Variants in COL23A1 observed in about 807,000 individuals in gnomAD.
COL23A1 encodes collagen type XXIII alpha 1 chain.
In COL23A1, 97 loss-of-function variants were observed where a neutral mutation model predicts 99.3. The observed-to-expected ratio is 0.98, with a 90% CI of 0.83 to 1.16. The LOEUF (loss-of-function observed/expected upper bound fraction) is 1.16. COL23A1 is among the 50% of genes most tolerant of loss of function. The pLI is 0.00. For synonymous variants in COL23A1, 320 were observed against 308.2 expected, an observed-to-expected ratio of 1.04 and a Z score of -0.40; for missense variants, 762 against 757.4, an observed-to-expected ratio of 1.01 and a Z score of -0.07.
At chr5:178,368,195 A>G (rs978096233) in intron 2 of COL23A1, among the ~76,000 whole-genome samples, 2 of 152,144 alleles carry the variant, frequency 1.3e-5, no homozygotes, top group Non-Finnish European at 2.9e-5. Context: ...GCAACATGGG[A>G]AATAAATTCC....
At chr5:178,578,665 C>T (rs1763514165) in intron 1 of COL23A1, among the ~76,000 whole-genome samples, 1 of 150,402 alleles carries the variant, frequency 6.6e-6, no homozygotes, top group Admixed American at 6.6e-5. Context: ...TTCCCCCACC[C>T]ACCCCTGCCC....
intron 2 of COL23A1, chr5:178,345,348 T>C (rs1561881408): frequency 5.8e-6 from 3 of 513,504 alleles, no homozygotes; most frequent in Non-Finnish European, 7.2e-6. Flanking sequence ...ATCATTTTTT[T>C]CCCTGAGCAA....
chr5:178,558,221 T>C (rs1426366688), intron 2 of COL23A1, among the ~76,000 whole-genome samples: 2 of 151,740 alleles, frequency 1.3e-5, no homozygotes, highest in Non-Finnish European at 2.9e-5. Context: ...AGGACACAGG[T>C]CCATCTGTAG....
chr5:178,420,416 C>A (rs1455754106), intron 2 of COL23A1, among the ~76,000 whole-genome samples: 1 of 48,940 alleles, frequency 2.0e-5, no homozygotes, highest in Non-Finnish European at 3.2e-5. Flanking sequence ...GAGATGTGAC[C>A]TCCCTTCTCC....
Position 178,468,220 on chromosome 5 carries a change from G to T in COL23A1, c.361+92462C>A, listed in dbSNP as rs1756531028. Among the ~76,000 whole-genome samples the T allele has an allele frequency of 7.0e-6, 1 of 143,246 alleles. No individual in the cohort carries two copies. The highest frequency in any genetic ancestry group is 2.6e-5 in the African/African-American group (1 of 38,912). 94.0% of individuals were successfully genotyped at this position (143,246 alleles called of 152,430 possible). On this transcript the variant is annotated intron_variant, in intron 2 of 28. Coordinates refer to ENST00000390654, the MANE Select transcript of COL23A1 (RefSeq NM_173465.4). The surrounding 1 kb of genome is among the most constrained non-coding windows in gnomAD (Gnocchi z 4.2). ...CCAGACCCCACCCAGACCCCACCCA[G>T]ACTCCAGCCAGAAGCCACGGCAAGC...
intron 2 of COL23A1, among the ~76,000 whole-genome samples, chr5:178,380,278 A>T (rs865879245): frequency 6.6e-6 from 1 of 152,212 alleles, no homozygotes; most frequent in African/African-American, 2.4e-5. Flanking sequence ...TCTGGGTCAC[A>T]GGTGACCTAG....
intron 2 of COL23A1, among the ~76,000 whole-genome samples, chr5:178,433,815 C>T (rs1388982951): frequency 1.3e-5 from 2 of 152,170 alleles, no homozygotes; most frequent in African/African-American, 4.8e-5. Flanking sequence ...CCCCCAGTAC[C>T]TTAGGAGATT....
intron 5 of COL23A1, among the ~76,000 whole-genome samples, chr5:178,279,846 A>T (rs180797848): frequency 6.6e-6 from 1 of 151,628 alleles, no homozygotes; most frequent in Non-Finnish European, 1.5e-5. Flanking sequence ...GGTGCCCCTG[A>T]CCCCCACCAG....
chr5:178,365,238 C>T lies in COL23A1; in HGVS notation c.362-58319G>A, dbSNP rs538913294. ...CATTAGATATGGGGTCCAGCCCCAG[C>T]GCACAGGAAACCCTGCTCAGGCAGA... On this transcript the variant is annotated intron_variant, in intron 2 of 28. Coordinates refer to ENST00000390654, the MANE Select transcript of COL23A1 (RefSeq NM_173465.4). The surrounding 1 kb of genome is among the most constrained non-coding windows in gnomAD (Gnocchi z 5.2). 2.6e-4 allele frequency among the ~76,000 whole-genome samples: 40 copies of T among 151,912 alleles called. No individual in the cohort carries two copies. The highest frequency in any genetic ancestry group is 4.9e-4 in the Non-Finnish European group (33 of 68,004).
At chr5:178,402,339 C>G (rs1240263542) in intron 2 of COL23A1, among the ~76,000 whole-genome samples, 8 of 152,006 alleles carry the variant, frequency 5.3e-5, no homozygotes, top group Non-Finnish European at 5.9e-5. Context: ...AACAGAGACA[C>G]AGAAAAACAT....
intron 2 of COL23A1, among the ~76,000 whole-genome samples, chr5:178,453,028 G>T (rs1767574235): frequency 6.6e-6 from 1 of 152,212 alleles, no homozygotes; most frequent in African/African-American, 2.4e-5. Flanking sequence ...CAGAGGTCTG[G>T]TTAAAGAAAC....
chr5:178,270,262 G>T, intron 6 of COL23A1, 75 bp downstream of exon 6: 1 of 1,563,672 alleles, frequency 6.4e-7, no homozygotes, highest in Non-Finnish European at 8.8e-7. Flanking sequence ...TCCCTCCAGT[G>T]CCTGCTGGTC....
chr5:178,556,878 G>T (rs958816349), intron 2 of COL23A1, among the ~76,000 whole-genome samples: 4 of 151,872 alleles, frequency 2.6e-5, no homozygotes, highest in Non-Finnish European at 5.9e-5. Flanking sequence ...GCTTGAATAC[G>T]GGAGGCAGAG....
intron 2 of COL23A1, among the ~76,000 whole-genome samples, chr5:178,457,457 CG>C (rs1281862163): frequency 6.6e-6 from 1 of 152,110 alleles, no homozygotes; most frequent in Non-Finnish European, 1.5e-5. Context: ...TCAAGTGATC[CG>C]CCCATCTCGG....
intron 2 of COL23A1, among the ~76,000 whole-genome samples, chr5:178,463,938 CTTG>C (rs141256459): frequency 0.021 from 3,180 of 152,292 alleles, 135 homozygotes; most frequent in African/African-American, 0.073. Flanking sequence ...GAACGAACCT[CTTG>C]TTGTGGGCCT....
intron 2 of COL23A1, among the ~76,000 whole-genome samples, chr5:178,354,509 G>C (rs1043994142): frequency 6.6e-6 from 1 of 152,134 alleles, no homozygotes; most frequent in Non-Finnish European, 1.5e-5. Flanking sequence ...CTGGATCATG[G>C]GGGTGGTTTT....
At position 178,415,997 on chromosome 5, in the gene COL23A1, G is replaced by T. The variant is rs1166549799; in HGVS notation, c.362-109078C>A. Among the ~76,000 whole-genome samples the T allele has an allele frequency of 6.6e-6, 1 of 152,142 alleles. No individual in the cohort carries two copies. The highest frequency in any genetic ancestry group is 6.5e-5 in the Admixed American group (1 of 15,278). ...GACCAGGGAGGGCGGACGAAGCTGGGGCAGAGCCAGAGATCCAGAAACAGT... is the reference window on the plus strand; with the variant it reads ...GACCAGGGAGGGCGGACGAAGCTGGTGCAGAGCCAGAGATCCAGAAACAGT... On this transcript the variant is annotated intron_variant, in intron 2 of 28. Transcript: ENST00000390654. The surrounding 1 kb of genome is among the most constrained non-coding windows in gnomAD (Gnocchi z 4.6).
At chr5:178,257,060 G>C (rs1765344385) in intron 13 of COL23A1, 132 bp from the exon 14 acceptor site, 2 of 772,056 alleles carry the variant, frequency 2.6e-6, no homozygotes, top group East Asian at 5.4e-5. Flanking sequence ...TGAGTCCATG[G>C]GGGGTGTGGG....
intron 2 of COL23A1, among the ~76,000 whole-genome samples, chr5:178,425,919 C>T (rs1485714058): frequency 3.3e-5 from 5 of 152,288 alleles, no homozygotes; most frequent in Admixed American, 6.5e-5. Context: ...GGGGGCCAGC[C>T]GCTCCCGATG....
Sources: allele counts gnomAD v4.1 joint callset (sites outside exome capture counted in the v4.1 genomes callset), GRCh38; gene constraint gnomAD v4.1.1; non-coding constraint Gnocchi (gnomAD v3.1); transcripts MANE v1.5; gene names NCBI Gene and HGNC (gene_info 2026-07-23, HGNC 2026-07-21).